The following DNM2 variants were observed in gnomAD, a reference collection of about 807,000 sequenced individuals.
DNM2 encodes dynamin-2.
In DNM2, 15 loss-of-function variants were observed where a neutral mutation model predicts 99.0. The observed-to-expected ratio is 0.15, with a 90% CI of 0.10 to 0.23. DNM2 has a LOEUF of 0.23. DNM2 is among the 10% of genes least tolerant of loss of function. The probability of loss-of-function intolerance (pLI) is 1.00; values close to 1 mark genes in which losing one functional copy is unlikely to be tolerated. For missense variants in DNM2, 742 were observed against 1,189.4 expected, an observed-to-expected ratio of 0.62 and a Z score of 5.53; for synonymous variants, 525 against 481.2, an observed-to-expected ratio of 1.09 and a Z score of -1.19.
chr19:10,736,140 C>T (rs77222369), intron 1 of DNM2, among the ~76,000 whole-genome samples: 12,961 of 151,898 alleles, frequency 0.085, 871 homozygotes, highest in East Asian at 0.37. Context: ...TGGTGGGTGC[C>T]TGTAATCCCA....
rs1212748822 is a variant in DNM2, at chr19:10,746,165, T to C, written c.162-13573T>C. Among the ~76,000 whole-genome samples, 3 of 152,288 alleles carry C rather than the reference T, an allele frequency of 2.0e-5. No homozygotes were observed. In the East Asian group the frequency reaches 5.8e-4, roughly 29 times the overall value. On this transcript the variant is annotated intron_variant, in intron 1 of 20. Transcript: ENST00000389253. ...TAGTAGAGACAAGGTTTCACCATGT[T>C]GGCCAGGCTGCTCTCGAACTCTGGA... is the stretch of plus-strand genomic sequence containing the variant.
intron 1 of DNM2, among the ~76,000 whole-genome samples, chr19:10,742,507 G>T (rs1228000059): frequency 6.6e-6 from 1 of 152,194 alleles, no homozygotes; most frequent in African/African-American, 2.4e-5. Context: ...TGAGGGCTGG[G>T]GAAGTGGCAG....
chr19:10,733,911 G>A (rs2145725446), intron 1 of DNM2, among the ~76,000 whole-genome samples: 1 of 152,156 alleles, frequency 6.6e-6, no homozygotes, highest in African/African-American at 2.4e-5. Context: ...GGGAGGCTGA[G>A]GCAGGAGAAT....
intron 7 of DNM2, among the ~76,000 whole-genome samples, chr19:10,790,293 T>TTTG (rs1568302440): frequency 5.3e-5 from 8 of 150,874 alleles, no homozygotes; most frequent in Non-Finnish European, 1.2e-4. Flanking sequence ...CCCAGGGTTT[T>TTTG]TTTGTTTGTT....
At chr19:10,806,906 C>T (rs990592559) in intron 13 of DNM2, among the ~76,000 whole-genome samples, 21 of 152,064 alleles carry the variant, frequency 1.4e-4, no homozygotes, top group African/African-American at 4.3e-4. Flanking sequence ...AGGTGAGAGC[C>T]GCTGGAAACT....
chr19:10,825,453 G>A (rs187464819), intron 18 of DNM2, among the ~76,000 whole-genome samples: 96 of 152,180 alleles, frequency 6.3e-4, no homozygotes, highest in African/African-American at 2.2e-3. Flanking sequence ...GGCGGATCAC[G>A]AGCTAAGGAG....
intron 1 of DNM2, among the ~76,000 whole-genome samples, chr19:10,757,962 A>AAAAAG (rs1555702451): frequency 2.0e-5 from 3 of 151,318 alleles, no homozygotes; most frequent in African/African-American, 7.3e-5. Context: ...AAAAAAAAAA[A>AAAAAG]AAAGAAAAAG....
rs879936637 is a variant in DNM2, at chr19:10,765,872, G to A, written c.235+6061G>A. Among the ~76,000 whole-genome samples the A allele has an allele frequency of 1.5e-4, 23 of 152,178 alleles. No individual in the cohort carries two copies. The highest frequency in any genetic ancestry group is 2.9e-4 in the Non-Finnish European group (20 of 68,034). ...AGCCTCGTCATTGTGTTCTTTGCTG[G>A]GGGAACGGTGAGAAGATCCAGGGCA... is the stretch of plus-strand genomic sequence containing the variant. On this transcript the variant is annotated intron_variant, in intron 2 of 20. Coordinates refer to ENST00000389253, the MANE Select transcript of DNM2 (RefSeq NM_001005361.3). The surrounding 1 kb of genome is among the most constrained non-coding windows in gnomAD (Gnocchi z 4.4).
chr19:10,824,951 A>G, intron 17 of DNM2, 106 bp from the exon 18 acceptor site: 4 of 1,581,840 alleles, frequency 2.5e-6, no homozygotes, highest in Non-Finnish European at 2.6e-6. Context: ...GTCAGGGGCC[A>G]GCCTGAGGTC....
chr19:10,760,576 T>A (rs2070587334), intron 2 of DNM2, among the ~76,000 whole-genome samples: 1 of 152,136 alleles, frequency 6.6e-6, no homozygotes, highest in Non-Finnish European at 1.5e-5. Context: ...ATCTGGCTGG[T>A]TTTATAGCTG....
chr19:10,814,943 T>C (rs940129322), intron 15 of DNM2, among the ~76,000 whole-genome samples: 3 of 152,144 alleles, frequency 2.0e-5, no homozygotes, highest in African/African-American at 7.2e-5. Flanking sequence ...CTTTCAAGAG[T>C]CCCTGGCAAA....
chr19:10,797,083 C>T (rs2071961288), intron 9 of DNM2, among the ~76,000 whole-genome samples: 1 of 152,078 alleles, frequency 6.6e-6, no homozygotes, highest in African/African-American at 2.4e-5. Context: ...CGTCCTAGAG[C>T]CAGGTGTCAT....
chr19:10,793,647 T>C (rs532989299), intron 7 of DNM2, 73 bp from the exon 8 acceptor site: 1 of 1,613,524 alleles, frequency 6.2e-7, no homozygotes, highest in Admixed American at 1.7e-5. Context: ...AAACCCTGGC[T>C]TGACTTGGAA....
Position 10,817,105 on chromosome 19 carries a change from C to A in DNM2, c.1672-2875C>A, listed in dbSNP as rs993729195. 6.6e-6 allele frequency among the ~76,000 whole-genome samples: 1 copy of A among 152,224 alleles called. No homozygotes were observed. The highest frequency in any genetic ancestry group is 1.5e-5 in the Non-Finnish European group (1 of 68,036). On this transcript the variant is annotated intron_variant, in intron 15 of 20. Transcript: ENST00000389253. The surrounding 1 kb of genome is among the most constrained non-coding windows in gnomAD (Gnocchi z 4.6). ...CAGCAGGGACCCTTGGAGTCACACA[C>A]GTGGCAGCCACCCCTGAGGAGGAGG...
Position 10,816,582 on chromosome 19 carries a change from T to C in DNM2, c.1672-3398T>C, listed in dbSNP as rs968561482. On this transcript the variant is annotated intron_variant, in intron 15 of 20. Transcript: ENST00000389253. The surrounding 1 kb of genome is among the most constrained non-coding windows in gnomAD (Gnocchi z 4.6). ...TCAAAATGGCTGGGGTGGGGTAGGG[T>C]GCCCTTTCTCTTTTTCTCCCCTCTT... 5.3e-5 allele frequency among the ~76,000 whole-genome samples: 8 copies of C among 151,924 alleles called. No individual in the cohort carries two copies. The highest frequency in any genetic ancestry group is 1.0e-4 in the Non-Finnish European group (7 of 67,912).
chr19:10,806,453 C>T (rs139731291), intron 13 of DNM2, among the ~76,000 whole-genome samples: 2 of 152,068 alleles, frequency 1.3e-5, no homozygotes, highest in East Asian at 1.9e-4. Context: ...TTGAGCCCAG[C>T]AGTTCATGAC....
At chr19:10,782,762 C>T (rs1329674961) in intron 5 of DNM2, among the ~76,000 whole-genome samples, 198 bp from the exon 6 acceptor site, 1 of 152,240 alleles carries the variant, frequency 6.6e-6, no homozygotes, top group Non-Finnish European at 1.5e-5. Context: ...GCTCTCCTTC[C>T]TCCAAATACT....
At chr19:10,745,199 G>A (rs933412930) in intron 1 of DNM2, among the ~76,000 whole-genome samples, 1 of 152,116 alleles carries the variant, frequency 6.6e-6, no homozygotes, top group Admixed American at 6.6e-5. Flanking sequence ...TCCGTGCATC[G>A]CACTTGACCT....
At chr19:10,773,449 ATTT>A (rs71164121) in intron 3 of DNM2, among the ~76,000 whole-genome samples, 16 of 124,388 alleles carry the variant, frequency 1.3e-4, no homozygotes, top group Admixed American at 2.4e-4. Flanking sequence ...GCCCGGCCAA[ATTT>A]TTTTTTTTTT....
Sources: gnomAD v4.1 joint callset for allele counts (sites outside exome capture counted in the v4.1 genomes callset) on GRCh38, gnomAD v4.1.1 for gene constraint, Gnocchi (gnomAD v3.1) non-coding constraint, MANE v1.5 for transcripts, NCBI Gene and HGNC (gene_info 2026-07-23, HGNC 2026-07-21) for gene names.